MRPL3: variants seen among roughly 807,000 people sequenced by gnomAD.
The protein encoded by MRPL3 is mitochondrial ribosomal protein L3.
In MRPL3, 43 loss-of-function variants were observed where a neutral mutation model predicts 44.3. The observed-to-expected ratio is 0.97, with a 90% CI of 0.76 to 1.25. The LOEUF is 1.25. Among genes scored for constraint, MRPL3 ranks in the 50% most tolerant of loss-of-function variants. The pLI is 0.00. For missense variants in MRPL3, 406 were observed against 427.6 expected (o/e 0.95, Z 0.45); for synonymous variants, 171 against 152.3 (o/e 1.12, Z -0.91).
intron 6 of MRPL3, among the ~76,000 whole-genome samples, chr3:131,486,658 C>T (rs1276493097): frequency 1.3e-5 from 2 of 151,974 alleles, no homozygotes; most frequent in African/African-American, 4.8e-5. Flanking sequence ...AGGATATGAA[C>T]AGACACTTCT....
Position 131,487,688 on chromosome 3 carries a change from T to C in MRPL3, c.621A>G (p.Thr207=), listed in dbSNP as rs1934160454. 2 of 1,611,184 alleles carry C rather than the reference T, an allele frequency of 1.2e-6. No homozygotes were observed. Among genetic ancestry groups the C allele is most frequent in the Admixed American group, 3.4e-5 (2 of 59,364 alleles). ...HFRPGQYVDV[T]AKTIGKGFQG... ...TCGCTATGAGGACCTACGTTTTGGC[T>C]GTGACATCCACATACTGTCCTGGAC... The change falls in exon 6 of 10, where the codon ACA becomes ACG. Residue 207 remains threonine, a synonymous_variant. Transcript: ENST00000264995.
intron 2 of MRPL3, 68 bp downstream of exon 2, chr3:131,501,463 A>G (rs1934495347): frequency 8.3e-7 from 1 of 1,207,600 alleles, no homozygotes. Context: ...AGTAGTCACT[A>G]TGATTTTAAA....
At chr3:131,480,477 C>T (rs1933959824) in intron 6 of MRPL3, among the ~76,000 whole-genome samples, 1 of 152,202 alleles carries the variant, frequency 6.6e-6, no homozygotes, top group Non-Finnish European at 1.5e-5. Context: ...TGTCTAAAAA[C>T]CATAAACTTC....
intron 8 of MRPL3, among the ~76,000 whole-genome samples, chr3:131,468,547 A>AT (rs1482440433): frequency 2.0e-5 from 3 of 152,108 alleles, no homozygotes; most frequent in African/African-American, 4.8e-5. Flanking sequence ...CACTGATTCT[A>AT]ATTTCTAAAG....
intron 6 of MRPL3, among the ~76,000 whole-genome samples, chr3:131,474,402 G>A (rs753399266): frequency 4.6e-5 from 7 of 152,140 alleles, no homozygotes; most frequent in Admixed American, 4.6e-4. Flanking sequence ...GAGAGGATGG[G>A]GATGGGAATG....
At chr3:131,467,501 TG>T (rs2110694412) in intron 9 of MRPL3, among the ~76,000 whole-genome samples, 1 of 152,222 alleles carries the variant, frequency 6.6e-6, no homozygotes, top group Non-Finnish European at 1.5e-5. Context: ...AGGGGCCTGG[TG>T]GGAAGTGATT....
chr3:131,465,891 CTTT>C (rs55635822), intron 9 of MRPL3, among the ~76,000 whole-genome samples: 4 of 133,336 alleles, frequency 3.0e-5, no homozygotes, highest in Admixed American at 7.5e-5. Context: ...CTTTTTCTCT[CTTT>C]TTTTTTTTTT....
intron 8 of MRPL3, 112 bp downstream of exon 8, chr3:131,469,584 A>C: frequency 1.5e-6 from 1 of 689,002 alleles, no homozygotes; most frequent in Non-Finnish European, 2.4e-6. Flanking sequence ...TTTCCTCAAT[A>C]ATTTTAAAGC....
rs1934533133 is a variant in MRPL3, at chr3:131,502,936, TG to T, written c.-116del. Reference sequence around the variant, plus strand: ...AGTAGCCGTGGGGAAGTTTTCGCAATGGCCGCCGGAACGGTCGCCGGCCGAT... The same window carrying T: ...AGTAGCCGTGGGGAAGTTTTCGCAATGCCGCCGGAACGGTCGCCGGCCGAT... On this transcript the variant is annotated 5_prime_UTR_variant, in exon 1 of 10. Coordinates refer to ENST00000264995, the MANE Select transcript of MRPL3 (RefSeq NM_007208.4). 2.1e-6 allele frequency: 2 copies of T among 964,712 alleles called. No individual in the cohort carries two copies. Among genetic ancestry groups the T allele is most frequent in the African/African-American group, 3.2e-5 (2 of 61,750 alleles). The allele number at this position is 964,712 out of a possible 1,614,324, so 59.8% of individuals were successfully genotyped here. A position where few individuals can be genotyped will look rare whatever the true frequency, so the allele number is the denominator to read the frequency against.
At position 131,469,731 on chromosome 3, in the gene MRPL3, T is replaced by C. The variant is rs1269324081; in HGVS notation, c.781A>G (p.Met261Val). Residue 261 changes from methionine to valine, a missense_variant, in exon 8 of 10, where the codon ATG becomes GTG. Transcript: ENST00000264995. ...TATTCTGTCCTGTATATGTTTCCCATTTTTCCAGGCATTTTAGTTCCAGGC... is the reference window on the plus strand; with the variant it reads ...TATTCTGTCCTGTATATGTTTCCCACTTTTCCAGGCATTTTAGTTCCAGGC... ...VWPGTKMPGK[M>V]GNIYRTEYGL... 1.2e-6 allele frequency: 2 copies of C among 1,611,442 alleles called. No individual in the cohort carries two copies. The highest frequency in any genetic ancestry group is 4.5e-5 in the East Asian group (2 of 44,776).
intron 6 of MRPL3, 175 bp downstream of exon 6, chr3:131,487,505 A>G: frequency 1.7e-6 from 1 of 598,214 alleles, no homozygotes; most frequent in Non-Finnish European, 2.9e-6. Context: ...TTTACATACA[A>G]TTAATTTGGC....
At position 131,462,744 on chromosome 3, in the gene MRPL3, C is replaced by A. The variant is rs772132219; in HGVS notation, c.1026G>T (p.Ala342=). The A allele has an allele frequency of 1.2e-6, 2 of 1,610,396 alleles. No individual in the cohort carries two copies. The highest frequency in any genetic ancestry group is 1.1e-5 in the South Asian group (1 of 90,588). The change falls in exon 10 of 10, where the codon GCG becomes GCT. Residue 342 remains alanine, a synonymous_variant. Transcript: ENST00000264995. ...GATGTTAGGCAAATGTAATAGAAGG[C>A]GCACCGGGCTGACACACGTTTTCAT... is the stretch of plus-strand genomic sequence containing the variant. ...LYDENVCQPG[A]PSITFA
intron 4 of MRPL3, 112 bp downstream of exon 4, chr3:131,498,067 C>A: frequency 1.2e-6 from 1 of 820,950 alleles, no homozygotes; most frequent in Non-Finnish European, 2.0e-6. Flanking sequence ...ACACAATTTA[C>A]CTCACAAACA....
intron 6 of MRPL3, among the ~76,000 whole-genome samples, chr3:131,473,183 C>A (rs1415907867): frequency 6.6e-6 from 1 of 151,968 alleles, no homozygotes; most frequent in Non-Finnish European, 1.5e-5. Flanking sequence ...GCTATAGGAG[C>A]CAAAACAGCA....
At chr3:131,491,890 T>C (rs1386960626) in intron 4 of MRPL3, among the ~76,000 whole-genome samples, 1 of 152,152 alleles carries the variant, frequency 6.6e-6, no homozygotes, top group African/African-American at 2.4e-5. Context: ...CAGTGGCTTC[T>C]ACTTCTTACA....
At chr3:131,479,168 T>C (rs1360010864) in intron 6 of MRPL3, 3 of 519,054 alleles carry the variant, frequency 5.8e-6, no homozygotes, top group Non-Finnish European at 1.2e-5. Context: ...CTCCAAATTA[T>C]TCTTGCATAC....
rs560807405 is a variant in MRPL3, at chr3:131,481,148, T to C, written c.629+6532A>G. On this transcript the variant is annotated intron_variant, in intron 6 of 9. Transcript: ENST00000264995. ...ATTACTCTGCAAATTCCAGATACAA[T>C]AGATAGTATGTGATCTTAAAATTAC... 1.3e-3 allele frequency among the ~76,000 whole-genome samples: 205 copies of C among 152,316 alleles called. 1 individual carries two copies. Among genetic ancestry groups the C allele is most frequent in the African/African-American group, 4.5e-3 (189 of 41,584 alleles).
intron 2 of MRPL3, 143 bp from the exon 3 acceptor site, chr3:131,500,664 G>A (rs1177079428): frequency 3.1e-6 from 2 of 653,946 alleles, no homozygotes; most frequent in Non-Finnish European, 2.7e-6. Context: ...AGTAAAGTAG[G>A]ACTGTTCTTT....
chr3:131,500,345 A>G (rs1021952585), intron 3 of MRPL3, 85 bp downstream of exon 3: 3 of 1,060,902 alleles, frequency 2.8e-6, no homozygotes, highest in African/African-American at 3.1e-5. Flanking sequence ...TCCATGTTTC[A>G]GGACACAAAT....
Sources: allele counts gnomAD v4.1 joint callset (sites outside exome capture counted in the v4.1 genomes callset), GRCh38; gene constraint gnomAD v4.1.1; transcripts MANE v1.5; gene names NCBI Gene and HGNC (gene_info 2026-07-23, HGNC 2026-07-21).